The following AFG2A variants were observed in gnomAD, a reference collection of about 807,000 sequenced individuals.
AFG2A encodes ATPase family gene 2 protein homolog A.
the AFG2A span, among the ~76,000 whole-genome samples, chr4:123,285,290 T>G: frequency 6.6e-6 from 1 of 152,192 alleles, no homozygotes; most frequent in African/African-American, 2.4e-5. Flanking sequence ...TTCCTCTACT[T>G]CTTCCTGTCT....
the AFG2A span, among the ~76,000 whole-genome samples, chr4:123,309,328 G>T: frequency 6.6e-6 from 1 of 152,192 alleles, no homozygotes; most frequent in Non-Finnish European, 1.5e-5. Flanking sequence ...TGTCTGGTGA[G>T]GGCCTATTCC....
the AFG2A span, among the ~76,000 whole-genome samples, chr4:123,013,608 A>AC: frequency 6.6e-6 from 1 of 152,056 alleles, no homozygotes; most frequent in Non-Finnish European, 1.5e-5. Context: ...GTTGGGGGGC[A>AC]AGGGAAGGGA....
the AFG2A span, among the ~76,000 whole-genome samples, chr4:123,075,548 C>T: frequency 1.7e-4 from 26 of 152,150 alleles, no homozygotes; most frequent in East Asian, 3.1e-3. Context: ...GATCCACCTG[C>T]TTCGGCCTCG....
At chr4:122,944,358 C>T in the AFG2A span, among the ~76,000 whole-genome samples, 2 of 152,026 alleles carry the variant, frequency 1.3e-5, no homozygotes, top group African/African-American at 4.8e-5. Context: ...TTTCTCTAAA[C>T]TTCCCTTCTT....
the AFG2A span, among the ~76,000 whole-genome samples, chr4:123,282,662 G>A: frequency 2.0e-5 from 3 of 152,084 alleles, no homozygotes; most frequent in Non-Finnish European, 2.9e-5. Context: ...CCACCGCTGT[G>A]AGACAGGGCT....
chr4:123,212,398 A>G, the AFG2A span, among the ~76,000 whole-genome samples: 20 of 152,078 alleles, frequency 1.3e-4, no homozygotes, highest in East Asian at 5.8e-4. Context: ...TTTTTGTTCT[A>G]TGCCTTTGAG....
chr4:123,277,891 A>C, the AFG2A span, among the ~76,000 whole-genome samples: 1 of 151,884 alleles, frequency 6.6e-6, no homozygotes, highest in African/African-American at 2.4e-5. Flanking sequence ...TTTGTTGAGG[A>C]TTTTTGTATC....
At chr4:123,117,225 A>AT in the AFG2A span, among the ~76,000 whole-genome samples, 1 of 151,870 alleles carries the variant, frequency 6.6e-6, no homozygotes, top group African/African-American at 2.4e-5. Flanking sequence ...AGGAGTAGGT[A>AT]TTTCTTTGTT....
chr4:123,314,029 G>A, the AFG2A span: 1 of 1,609,560 alleles, frequency 6.2e-7, no homozygotes, highest in Non-Finnish European at 8.5e-7. Flanking sequence ...TTTTTATGAA[G>A]ATTATCAAGA....
chr4:123,110,606 T>G, the AFG2A span, among the ~76,000 whole-genome samples: 1 of 152,162 alleles, frequency 6.6e-6, no homozygotes, highest in Non-Finnish European at 1.5e-5. Flanking sequence ...ATTGAATACA[T>G]AAAGGGAAAT....
chr4:123,184,421 C>T, the AFG2A span, among the ~76,000 whole-genome samples: 4 of 151,848 alleles, frequency 2.6e-5, no homozygotes, highest in African/African-American at 4.8e-5. Flanking sequence ...AAGTGCTGTC[C>T]GACTTAAGAA....
chr4:123,317,385 A>G, the AFG2A span: 1 of 152,210 alleles, frequency 6.6e-6, no homozygotes. Context: ...CCTGGGGGTA[A>G]CTAGCACTTG....
chr4:123,177,956 T>C, the AFG2A span, among the ~76,000 whole-genome samples: 1,331 of 152,362 alleles, frequency 8.7e-3, 54 homozygotes, highest in Admixed American at 0.074. Flanking sequence ...TAAAACATTA[T>C]TTTGCGTAAT....
chr4:123,043,287 T>A, the AFG2A span, among the ~76,000 whole-genome samples: 2 of 152,202 alleles, frequency 1.3e-5, no homozygotes, highest in Non-Finnish European at 2.9e-5. Flanking sequence ...TAAGACTTTC[T>A]CTTTCTTATC....
chr4:123,257,329 C>T, the AFG2A span, among the ~76,000 whole-genome samples: 1 of 152,282 alleles, frequency 6.6e-6, no homozygotes, highest in East Asian at 1.9e-4. Flanking sequence ...ACTCAGTACA[C>T]TCCTCAACTT....
chr4:123,273,880 C>A, the AFG2A span, among the ~76,000 whole-genome samples: 2 of 152,092 alleles, frequency 1.3e-5, no homozygotes, highest in African/African-American at 4.8e-5. Flanking sequence ...TGGTTTCAAG[C>A]ATTTTGGAAT....
chr4:122,939,352 G>T, the AFG2A span, among the ~76,000 whole-genome samples: 2 of 152,072 alleles, frequency 1.3e-5, no homozygotes, highest in Non-Finnish European at 2.9e-5. Flanking sequence ...AAAGTGCTGG[G>T]ATTACAGGCG....
chr4:122,994,904 A>G, the AFG2A span, among the ~76,000 whole-genome samples: 2 of 152,100 alleles, frequency 1.3e-5, no homozygotes, highest in African/African-American at 2.4e-5. Flanking sequence ...TGAATAATCA[A>G]CTGTCTCTTT....
At chr4:123,252,406 T>G in the AFG2A span, among the ~76,000 whole-genome samples, 1 of 152,174 alleles carries the variant, frequency 6.6e-6, no homozygotes, top group African/African-American at 2.4e-5. Context: ...GTCACCAAAT[T>G]CATGGCTAAA....
Sources: gnomAD v4.1 joint callset for allele counts (sites outside exome capture counted in the v4.1 genomes callset) on GRCh38, gnomAD v4.1.1 for gene constraint, MANE v1.5 for transcripts, NCBI Gene and HGNC (gene_info 2026-07-23, HGNC 2026-07-21) for gene names.